Variants in VWC2L observed in about 807,000 individuals in gnomAD.
VWC2L encodes the protein von Willebrand factor C domain containing 2 like.
A neutral mutation model predicts 21.6 loss-of-function variants in VWC2L; 10 were observed. That is an observed-to-expected ratio of 0.46 (90% CI 0.29 to 0.78). The LOEUF (loss-of-function observed/expected upper bound fraction) is 0.78. Ranked by LOEUF, VWC2L falls within the 30% of genes least tolerant of loss-of-function variation. The probability of loss-of-function intolerance (pLI) is 0.10; values close to 1 mark genes in which losing one functional copy is unlikely to be tolerated. For missense variants in VWC2L, 209 were observed against 277.1 expected, an observed-to-expected ratio of 0.75 and a Z score of 1.74; for synonymous variants, 96 against 94.3, an observed-to-expected ratio of 1.02 and a Z score of -0.10.
At chr2:214,569,104 T>C (rs6435834) in intron 3 of VWC2L, among the ~76,000 whole-genome samples, 49,116 of 152,092 alleles carry the variant, frequency 0.32, 9,519 homozygotes, top group African/African-American at 0.56. Context: ...AGCATTTCAG[T>C]AGATACTTCC....
At chr2:214,480,139 G>A (rs1574588058) in intron 3 of VWC2L, among the ~76,000 whole-genome samples, 1 of 152,162 alleles carries the variant, frequency 6.6e-6, no homozygotes, top group Non-Finnish European at 1.5e-5. Context: ...TTTCACATAA[G>A]CACTTGAGCA....
In VWC2L at chr2:214,571,501, G is replaced by A. The variant is rs567644625; in HGVS notation, c.521-4171G>A. On this transcript the variant is annotated intron_variant, in intron 3 of 3. Transcript: ENST00000312504. Reference sequence around the variant, plus strand: ...TCCTATATATTTAATACTAACACTAGGCTTGATATATAAAGCCTGATTCCT... The same window carrying A: ...TCCTATATATTTAATACTAACACTAAGCTTGATATATAAAGCCTGATTCCT... Among the ~76,000 whole-genome samples the A allele has an allele frequency of 3.3e-5, 5 of 152,232 alleles. No homozygotes were observed. The East Asian group carries it at 7.7e-4, about 24-fold the overall frequency.
chr2:214,511,688 C>T (rs2105905891), intron 3 of VWC2L, among the ~76,000 whole-genome samples: 1 of 152,086 alleles, frequency 6.6e-6, no homozygotes, highest in Admixed American at 6.5e-5. Flanking sequence ...TTCGTTATGG[C>T]AGTCTGAGCA....
intron 3 of VWC2L, among the ~76,000 whole-genome samples, chr2:214,565,142 G>A (rs1177754631): frequency 1.3e-5 from 2 of 152,110 alleles, no homozygotes; most frequent in Admixed American, 1.3e-4. Flanking sequence ...AAGAGTCCAT[G>A]GAGAAGGGTA....
At chr2:214,529,510 C>T (rs934071246) in intron 3 of VWC2L, among the ~76,000 whole-genome samples, 1 of 152,044 alleles carries the variant, frequency 6.6e-6, no homozygotes, top group South Asian at 2.1e-4. Context: ...TTTTTATATG[C>T]CGTTTCTTCT....
chr2:214,455,549 T>C (rs1418365274), intron 3 of VWC2L, among the ~76,000 whole-genome samples: 1 of 152,184 alleles, frequency 6.6e-6, no homozygotes, highest in African/African-American at 2.4e-5. Context: ...GTTGGGGACA[T>C]TTTAAGACCC....
At chr2:214,431,059 G>T in intron 2 of VWC2L, among the ~76,000 whole-genome samples, 1 of 152,158 alleles carries the variant, frequency 6.6e-6, no homozygotes, top group East Asian at 1.9e-4. Flanking sequence ...TGTGAATTTT[G>T]GTTAAAACCC....
rs904650856 is a variant in VWC2L at position 214,576,438 on chromosome 2, G to C, written c.*618G>C. 1 of 152,052 alleles carries C rather than the reference G, an allele frequency of 6.6e-6. No individual in the cohort carries two copies. Among genetic ancestry groups the C allele is most frequent in the African/African-American group, 2.4e-5 (1 of 41,376 alleles). 9.4% of individuals were successfully genotyped at this position (152,052 alleles called of 1,614,324 possible). On this transcript the variant is annotated 3_prime_UTR_variant, in exon 4 of 4. Transcript: ENST00000312504. ...CATAGACGGGCCTATTGCTGGACAGGGTTGGGAACAAGTACTTTGTCCATT... is the reference window on the plus strand; with the variant it reads ...CATAGACGGGCCTATTGCTGGACAGCGTTGGGAACAAGTACTTTGTCCATT...
intron 3 of VWC2L, among the ~76,000 whole-genome samples, chr2:214,536,330 G>A (rs1017513946): frequency 1.3e-5 from 2 of 152,058 alleles, no homozygotes; most frequent in Non-Finnish European, 2.9e-5. Context: ...AAAAACTTAG[G>A]TGGACCAGCA....
intron 3 of VWC2L, among the ~76,000 whole-genome samples, chr2:214,516,038 A>C (rs1016022920): frequency 7.2e-5 from 11 of 152,154 alleles, no homozygotes; most frequent in Non-Finnish European, 1.6e-4. Context: ...TTTTTATTTC[A>C]TAGGTGATGG....
intron 3 of VWC2L, among the ~76,000 whole-genome samples, chr2:214,522,994 C>A (rs1321643978): frequency 6.6e-6 from 1 of 152,146 alleles, no homozygotes; most frequent in African/African-American, 2.4e-5. Context: ...ACACACTGTC[C>A]TACATTTATA....
chr2:214,413,554 C>T (rs953709487), intron 1 of VWC2L, among the ~76,000 whole-genome samples: 37 of 152,182 alleles, frequency 2.4e-4, no homozygotes, highest in African/African-American at 8.2e-4. Flanking sequence ...CTGATGTTGA[C>T]GCCATTGTTG....
intron 3 of VWC2L, among the ~76,000 whole-genome samples, chr2:214,506,536 A>G (rs1237276381): frequency 6.6e-6 from 1 of 152,180 alleles, no homozygotes; most frequent in African/African-American, 2.4e-5. Context: ...CAATTTAGCT[A>G]TACGTATCAA....
intron 3 of VWC2L, among the ~76,000 whole-genome samples, chr2:214,557,789 A>G (rs183048139): frequency 6.6e-6 from 1 of 152,150 alleles, no homozygotes; most frequent in African/African-American, 2.4e-5. Context: ...ATCTAACAAC[A>G]CAGAATTTCG....
intron 3 of VWC2L, among the ~76,000 whole-genome samples, chr2:214,502,049 G>C (rs1273965817): frequency 6.6e-6 from 1 of 152,188 alleles, no homozygotes; most frequent in Non-Finnish European, 1.5e-5. Context: ...AAATGTCATT[G>C]TTTTCTATTA....
intron 3 of VWC2L, among the ~76,000 whole-genome samples, chr2:214,574,379 A>G (rs1306406785): frequency 6.6e-6 from 1 of 152,164 alleles, no homozygotes; most frequent in Non-Finnish European, 1.5e-5. Context: ...GGCAATTAAA[A>G]CCATAACATA....
chr2:214,507,982 T>G (rs1304827964), intron 3 of VWC2L, among the ~76,000 whole-genome samples: 1 of 152,206 alleles, frequency 6.6e-6, no homozygotes, highest in African/African-American at 2.4e-5. Context: ...TTATATTTAT[T>G]TATTTATTTA....
chr2:214,539,249 T>G (rs1689589770), intron 3 of VWC2L, among the ~76,000 whole-genome samples: 1 of 152,130 alleles, frequency 6.6e-6, no homozygotes, highest in South Asian at 2.1e-4. Flanking sequence ...ATAACCCAAT[T>G]GGCATCAAGG....
At chr2:214,518,392 T>C (rs557992845) in intron 3 of VWC2L, among the ~76,000 whole-genome samples, 3 of 152,314 alleles carry the variant, frequency 2.0e-5, no homozygotes, top group African/African-American at 4.8e-5. Context: ...ACTTGACACA[T>C]AATAAACATT....
Sources: gnomAD v4.1 joint callset for allele counts (sites outside exome capture counted in the v4.1 genomes callset) on GRCh38, gnomAD v4.1.1 for gene constraint, MANE v1.5 for transcripts, NCBI Gene and HGNC (gene_info 2026-07-23, HGNC 2026-07-21) for gene names.